The following ERCC8 variants were observed in gnomAD, a reference collection of about 807,000 sequenced individuals.
The protein encoded by ERCC8 is DNA excision repair protein ERCC-8.
A neutral mutation model predicts 54.9 loss-of-function variants in ERCC8; 52 were observed. The ratio of observed to expected loss-of-function variants is 0.95; its 90% CI spans 0.76 to 1.19. ERCC8 has a LOEUF of 1.19. Among genes scored for constraint, ERCC8 ranks in the 50% most tolerant of loss-of-function variants. ERCC8 has a pLI of 0.00. For missense variants in ERCC8, 514 were observed against 466.1 expected (o/e 1.10, Z -0.95); for synonymous variants, 146 against 157.2 (o/e 0.93, Z 0.53).
intron 1 of ERCC8, among the ~76,000 whole-genome samples, chr5:60,938,775 T>C (rs928957959): frequency 2.8e-4 from 42 of 152,328 alleles, no homozygotes; most frequent in Admixed American, 1.0e-3. Flanking sequence ...AAATCTAGTT[T>C]GTTGTTTCTT....
rs57423118 is a variant in ERCC8, at chr5:60,870,482, T to TA, written c.*4132dup. Among the ~76,000 whole-genome samples the TA allele has an allele frequency of 0.34, 16,482 of 47,824 alleles. 4,296 individuals carry two copies. The highest frequency in any genetic ancestry group is 0.43 in the Non-Finnish European group (12,382 of 28,744). The allele number at this position is 47,824 out of a possible 152,430, so 31.4% of individuals were successfully genotyped here. A position where few individuals can be genotyped will look rare whatever the true frequency, so the allele number is the denominator to read the frequency against. ...CAACATGGTGAAACCCCACCTCTGC[T>TA]AAAAAAAAAAAAAAAAAAAAAAAAA... On this transcript the variant is annotated 3_prime_UTR_variant, in exon 12 of 12. Coordinates refer to ENST00000676185, the MANE Select transcript of ERCC8 (RefSeq NM_000082.4).
intron 4 of ERCC8, chr5:60,917,981 A>C: frequency 2.5e-6 from 1 of 404,590 alleles, no homozygotes; most frequent in South Asian, 2.1e-5. Flanking sequence ...TGTACTAGGT[A>C]CTTTACATAT....
At chr5:60,912,357 G>A (rs1280664668) in intron 4 of ERCC8, among the ~76,000 whole-genome samples, 1 of 152,044 alleles carries the variant, frequency 6.6e-6, no homozygotes, top group Non-Finnish European at 1.5e-5. Flanking sequence ...TGTAGCAATT[G>A]AGAATGTAGT....
intron 7 of ERCC8, 134 bp from the exon 8 acceptor site, chr5:60,899,861 G>A: frequency 1.5e-6 from 1 of 652,454 alleles, no homozygotes; most frequent in Non-Finnish European, 2.7e-6. Context: ...TAGGGTTGTT[G>A]AACTTTTGCC....
intron 2 of ERCC8, among the ~76,000 whole-genome samples, chr5:60,926,371 G>C (rs570172884): frequency 2.0e-5 from 3 of 152,252 alleles, no homozygotes; most frequent in African/African-American, 7.2e-5. Context: ...GTAGATTTAT[G>C]TTTTAGCACA....
rs779449418 is a variant in ERCC8 at position 60,867,666 on chromosome 5, C to A, written c.*6949G>T. ...TTTATTTAGAAAATATACAGATTTA[C>A]ACAATAGTGGATGATACCATCATGC... is the stretch of plus-strand genomic sequence containing the variant. On this transcript the variant is annotated 3_prime_UTR_variant, in exon 12 of 12. Coordinates refer to ENST00000676185, the MANE Select transcript of ERCC8 (RefSeq NM_000082.4). Among the ~76,000 whole-genome samples, 18 of 152,156 alleles carry A rather than the reference C, an allele frequency of 1.2e-4. 1 individual carries two copies. Among genetic ancestry groups the A allele is most frequent in the Non-Finnish European group, 2.1e-4 (14 of 68,026 alleles).
intron 4 of ERCC8, among the ~76,000 whole-genome samples, chr5:60,908,560 A>AATAC (rs1682292606): frequency 7.1e-6 from 1 of 140,356 alleles, no homozygotes; most frequent in African/African-American, 2.7e-5. Flanking sequence ...CATTCATATA[A>AATAC]ATACATATAT....
intron 4 of ERCC8, among the ~76,000 whole-genome samples, chr5:60,911,287 T>A (rs1749251835): frequency 6.6e-6 from 1 of 152,078 alleles, no homozygotes; most frequent in Non-Finnish European, 1.5e-5. Flanking sequence ...ATAATCGCCA[T>A]CCTAACTGGT....
intron 4 of ERCC8, among the ~76,000 whole-genome samples, chr5:60,913,584 C>T (rs904854509): frequency 6.6e-6 from 1 of 151,902 alleles, no homozygotes; most frequent in Non-Finnish European, 1.5e-5. Flanking sequence ...TTTGGTGACT[C>T]TACTTCCTTC....
intron 1 of ERCC8, 81 bp from the exon 2 acceptor site, chr5:60,929,040 G>T: frequency 1.2e-6 from 1 of 827,206 alleles, no homozygotes; most frequent in Non-Finnish European, 2.1e-6. Context: ...ATTACTTATG[G>T]TACAAAAATC....
At chr5:60,875,324 G>C (rs1199167828) in intron 11 of ERCC8, among the ~76,000 whole-genome samples, 1 of 152,132 alleles carries the variant, frequency 6.6e-6, no homozygotes, top group Non-Finnish European at 1.5e-5. Flanking sequence ...GTCAGAAATG[G>C]TAACACGTTT....
intron 9 of ERCC8, chr5:60,891,939 A>G: frequency 1.9e-6 from 1 of 519,740 alleles, no homozygotes; most frequent in South Asian, 1.5e-5. Context: ...ATTAGTTACC[A>G]ACACTGCCAT....
intron 1 of ERCC8, among the ~76,000 whole-genome samples, chr5:60,944,324 A>C (rs762932374): frequency 1.3e-5 from 2 of 151,860 alleles, no homozygotes; most frequent in Non-Finnish European, 2.9e-5. Flanking sequence ...CTTGGCTCCC[A>C]CTCTTGTTCT....
At chr5:60,900,487 C>T (rs1156885437) in intron 7 of ERCC8, among the ~76,000 whole-genome samples, 2 of 152,058 alleles carry the variant, frequency 1.3e-5, no homozygotes, top group Middle Eastern at 3.4e-3. Context: ...TTATCAATGC[C>T]ATTTTAATAA....
intron 4 of ERCC8, among the ~76,000 whole-genome samples, chr5:60,908,568 T>C (rs1351078995): frequency 2.1e-5 from 2 of 96,208 alleles, no homozygotes; most frequent in Non-Finnish European, 4.4e-5. Context: ...TAAATACATA[T>C]ATATATATAT....
intron 1 of ERCC8, among the ~76,000 whole-genome samples, chr5:60,942,811 A>G (rs1160673251): frequency 6.6e-6 from 1 of 152,198 alleles, no homozygotes; most frequent in East Asian, 1.9e-4. Flanking sequence ...ACCTCAATAA[A>G]GTTGTAAAAT....
At chr5:60,894,873 T>C (rs1286073880) in intron 9 of ERCC8, among the ~76,000 whole-genome samples, 2 of 152,078 alleles carry the variant, frequency 1.3e-5, no homozygotes, top group Non-Finnish European at 2.9e-5. Context: ...AATATTGAAG[T>C]TTAAATAGTG....
Position 60,898,391 on chromosome 5 carries a change from G to A in ERCC8, c.728C>T (p.Ala243Val). The A allele has an allele frequency of 6.2e-7, 1 of 1,613,390 alleles. No homozygotes were observed. Among genetic ancestry groups the A allele is most frequent in the Non-Finnish European group, 8.5e-7 (1 of 1,179,560 alleles). The part of the protein sequence containing the change: ...KSQAVESANT[A>V]HNGKVNGLCF... ...TAAGCCATTAACTTTCCCATTATGAGCAGTGTTTGCTGCAATGAAAAACAT... is the reference window on the plus strand; with the variant it reads ...TAAGCCATTAACTTTCCCATTATGAACAGTGTTTGCTGCAATGAAAAACAT... The change falls in exon 9 of 12, where the codon GCT becomes GTT. Residue 243 changes from alanine (A) to valine (V), a missense_variant. Transcript: ENST00000676185.
At chr5:60,913,629 T>C in intron 4 of ERCC8, among the ~76,000 whole-genome samples, 1 of 152,156 alleles carries the variant, frequency 6.6e-6, no homozygotes, top group East Asian at 1.9e-4. Flanking sequence ...TCTTGGCTTC[T>C]GCTAACTTTT....
Sources: gnomAD v4.1 joint callset for allele counts (sites outside exome capture counted in the v4.1 genomes callset) on GRCh38, gnomAD v4.1.1 for gene constraint, MANE v1.5 for transcripts, NCBI Gene and HGNC (gene_info 2026-07-23, HGNC 2026-07-21) for gene names.